The following SVIL variants were observed in gnomAD, a reference collection of about 807,000 sequenced individuals.
The protein encoded by SVIL is supervillin, also known as archvillin.
Under a neutral mutation model 240.4 loss-of-function variants are expected in SVIL, and 101 were observed. That is an observed-to-expected ratio of 0.42 (90% confidence interval 0.36 to 0.50). The LOEUF is 0.50. SVIL is among the 20% of genes least tolerant of loss of function. The pLI is 0.01. For missense variants in SVIL, 2,512 were observed against 2,818.7 expected, an observed-to-expected ratio of 0.89 and a Z score of 2.46; for synonymous variants, 999 against 1,100.0, an observed-to-expected ratio of 0.91 and a Z score of 1.82.
At chr10:29,497,517 T>A (rs1474907792) in intron 18 of SVIL, among the ~76,000 whole-genome samples, 1 of 152,216 alleles carries the variant, frequency 6.6e-6, no homozygotes, top group African/African-American at 2.4e-5. Flanking sequence ...TAAGTCAGTT[T>A]CATAAATTTT....
intron 2 of SVIL, among the ~76,000 whole-genome samples, chr10:29,677,223 A>G (rs1018464373): frequency 1.3e-5 from 2 of 152,058 alleles, no homozygotes; most frequent in Non-Finnish European, 2.9e-5. Flanking sequence ...CTCAGATGCC[A>G]CAAAGATGCA....
chr10:29,523,965 T>C lies in SVIL; in HGVS notation c.2649A>G (p.Ala883=). ...CGGCATACATTGGAGCAACCGTGGATGCTACGGTAGACACTGATGTGTTCA... is the reference window on the plus strand; with the variant it reads ...CGGCATACATTGGAGCAACCGTGGACGCTACGGTAGACACTGATGTGTTCA... The part of the protein sequence containing the change: ...PAVNTSVSTV[A]STVAPMYAGD... The change falls in exon 15 of 38, where the codon GCA becomes GCG. Residue 883 remains alanine (A), a synonymous_variant. Coordinates refer to ENST00000355867, the MANE Select transcript of SVIL (RefSeq NM_021738.3). 6.2e-7 allele frequency: 1 copy of C among 1,614,212 alleles called. No homozygotes were observed. The highest frequency in any genetic ancestry group is 8.5e-7 in the Non-Finnish European group (1 of 1,180,036).
chr10:29,471,627 A>G (rs1945593454), intron 30 of SVIL, among the ~76,000 whole-genome samples: 2 of 152,380 alleles, frequency 1.3e-5, no homozygotes, highest in South Asian at 4.1e-4. Context: ...GCTCTCAGCA[A>G]TGAGAATGAC....
At chr10:29,513,353 G>T (rs1176678880) in intron 16 of SVIL, among the ~76,000 whole-genome samples, 1 of 152,148 alleles carries the variant, frequency 6.6e-6, no homozygotes, top group African/African-American at 2.4e-5. Context: ...GGTGGATCAC[G>T]AGGTCAGGAG....
chr10:29,608,354 G>A (rs1248405040), intron 1 of SVIL, among the ~76,000 whole-genome samples: 2 of 152,354 alleles, frequency 1.3e-5, no homozygotes, highest in Non-Finnish European at 2.9e-5. Flanking sequence ...CTGTGAGGAC[G>A]CCAGCTGCAG....
In SVIL at chr10:29,677,446, T is replaced by C. The variant is rs192602888; in HGVS notation, c.-301+9107A>G. On this transcript the variant is annotated intron_variant, in intron 2 of 35. Coordinates refer to the SVIL transcript ENST00000375400. ...GGGTCAGAATGACAGGGTCTCACTCTTGCCCAGGCTGGAGTGCAGTGGCAC... is the reference window on the plus strand; with the variant it reads ...GGGTCAGAATGACAGGGTCTCACTCCTGCCCAGGCTGGAGTGCAGTGGCAC... 2.6e-3 allele frequency among the ~76,000 whole-genome samples: 392 copies of C among 152,310 alleles called. 1 individual carries two copies. Among genetic ancestry groups the C allele is most frequent in the Non-Finnish European group, 4.2e-3 (286 of 68,018 alleles).
chr10:29,682,057 A>G (rs919715644), intron 2 of SVIL, among the ~76,000 whole-genome samples: 5 of 152,078 alleles, frequency 3.3e-5, no homozygotes, highest in African/African-American at 1.2e-4. Flanking sequence ...GGGGCTGGTG[A>G]TCCTAGCTAG....
At chr10:29,530,783 AAAT>A (rs1274123393) in intron 10 of SVIL, 115 bp from the exon 11 acceptor site, 2 of 1,106,140 alleles carry the variant, frequency 1.8e-6, no homozygotes, top group African/African-American at 3.1e-5. Context: ...AGGTGCACTA[AAAT>A]AATAATTGGT....
intron 1 of SVIL, among the ~76,000 whole-genome samples, chr10:29,604,710 G>T (rs1956953028): frequency 6.6e-6 from 1 of 151,960 alleles, no homozygotes; most frequent in South Asian, 2.1e-4. Context: ...GTCTACAGGT[G>T]CATGTCACTA....
At chr10:29,509,043 A>T (rs1365552803) in intron 17 of SVIL, among the ~76,000 whole-genome samples, 2 of 152,214 alleles carry the variant, frequency 1.3e-5, no homozygotes, top group Non-Finnish European at 2.9e-5. Context: ...CTTCTTTGAG[A>T]CTTTGCTTCG....
intron 6 of SVIL, among the ~76,000 whole-genome samples, chr10:29,544,794 A>T (rs1952491734): frequency 6.7e-6 from 1 of 150,096 alleles, no homozygotes; most frequent in African/African-American, 2.5e-5. Flanking sequence ...AAGAATTGTC[A>T]CTTGACAATA....
At chr10:29,646,951 C>T (rs966319162) in intron 3 of SVIL, among the ~76,000 whole-genome samples, 2 of 152,148 alleles carry the variant, frequency 1.3e-5, no homozygotes, top group African/African-American at 2.4e-5. Context: ...AAAACTCATC[C>T]GTTCCACCTT....
At chr10:29,697,175 C>T (rs1182992980) in intron 1 of SVIL, among the ~76,000 whole-genome samples, 7 of 82,098 alleles carry the variant, frequency 8.5e-5, no homozygotes, top group Non-Finnish European at 1.8e-4. Context: ...GGCCAGCCGC[C>T]CCGTCCGGGA....
rs554595234 is a variant in SVIL at position 29,596,843 on chromosome 10, GTGTT to G, written c.-200-27535_-200-27532del. ...CACCGCATAAATGGACAATGGTAAA[GTGTT>G]TGAGAATTCACAAAGGGCTTTAATC... On this transcript the variant is annotated intron_variant, in intron 1 of 37. Coordinates refer to ENST00000355867, the MANE Select transcript of SVIL (RefSeq NM_021738.3). Among the ~76,000 whole-genome samples the G allele has an allele frequency of 1.1e-3, 170 of 152,338 alleles. 2 individuals carry two copies. The South Asian group carries it at 0.034, about 31-fold the overall frequency.
intron 18 of SVIL, among the ~76,000 whole-genome samples, chr10:29,498,679 T>A (rs976714964): frequency 2.6e-5 from 4 of 152,082 alleles, no homozygotes; most frequent in Non-Finnish European, 5.9e-5. Flanking sequence ...TGTCAGTAAG[T>A]TTAAAAAATT....
chr10:29,569,139 G>T, intron 2 of SVIL, 116 bp downstream of exon 2: 1 of 359,742 alleles, frequency 2.8e-6, no homozygotes, highest in Non-Finnish European at 3.9e-6. Flanking sequence ...TCAAATTCTA[G>T]AGAGAAAACA....
chr10:29,552,978 T>C (rs890229664), intron 5 of SVIL, among the ~76,000 whole-genome samples: 7 of 152,152 alleles, frequency 4.6e-5, no homozygotes, highest in African/African-American at 1.7e-4. Context: ...GTATTGATAT[T>C]TCAAGCGTGT....
intron 1 of SVIL, among the ~76,000 whole-genome samples, chr10:29,590,810 C>T (rs982828116): frequency 6.6e-6 from 1 of 152,108 alleles, no homozygotes; most frequent in African/African-American, 2.4e-5. Context: ...GAAGTACTAA[C>T]CCCTCTTTGA....
chr10:29,616,710 G>A (rs1455719014), intron 1 of SVIL, among the ~76,000 whole-genome samples: 1 of 152,084 alleles, frequency 6.6e-6, no homozygotes, highest in Non-Finnish European at 1.5e-5. Context: ...TACCAGGAAG[G>A]GGAAGTGCAA....
Sources: gnomAD v4.1 joint callset for allele counts (sites outside exome capture counted in the v4.1 genomes callset) on GRCh38, gnomAD v4.1.1 for gene constraint, MANE v1.5 for transcripts, NCBI Gene and HGNC (gene_info 2026-07-23, HGNC 2026-07-21) for gene names.